The following VSTM4 variants were observed in gnomAD, a reference collection of about 807,000 sequenced individuals.
The protein encoded by VSTM4 is V-set and transmembrane domain containing 4.
In VSTM4, 20 loss-of-function variants were observed where a neutral mutation model predicts 36.4. That is an observed-to-expected ratio of 0.55 (90% CI 0.39 to 0.80). The LOEUF is 0.80. Ranked by LOEUF, VSTM4 falls within the 30% of genes least tolerant of loss-of-function variation. The pLI is 0.00. For synonymous variants in VSTM4, 182 were observed against 173.9 expected, an observed-to-expected ratio of 1.05 and a Z score of -0.37; for missense variants, 392 against 404.5, an observed-to-expected ratio of 0.97 and a Z score of 0.26.
At chr10:49,098,193 C>T (rs1564593917) in intron 2 of VSTM4, among the ~76,000 whole-genome samples, 1 of 152,346 alleles carries the variant, frequency 6.6e-6, no homozygotes. Context: ...TATGCCCCCA[C>T]AGTGCTGGGC....
intron 7 of VSTM4, among the ~76,000 whole-genome samples, chr10:49,037,249 T>A (rs1843445085): frequency 6.6e-6 from 1 of 152,242 alleles, no homozygotes; most frequent in African/African-American, 2.4e-5. Flanking sequence ...CCTGATAGCG[T>A]CGACCCCACC....
chr10:49,064,001 G>A (rs966354991), intron 5 of VSTM4: 6 of 152,230 alleles, frequency 3.9e-5, no homozygotes, highest in African/African-American at 1.4e-4. Flanking sequence ...GTTTTCTGTT[G>A]CTAGATTGGA....
chr10:49,061,861 C>T (rs181653202), intron 5 of VSTM4, among the ~76,000 whole-genome samples: 1 of 152,274 alleles, frequency 6.6e-6, no homozygotes, highest in African/African-American at 2.4e-5. Flanking sequence ...GTATTTAGAT[C>T]ATTTACATTT....
intron 5 of VSTM4, 144 bp downstream of exon 5, chr10:49,064,559 C>A: frequency 1.1e-6 from 1 of 906,262 alleles, no homozygotes; most frequent in Non-Finnish European, 1.7e-6. Context: ...CAAATGCATG[C>A]AGGATACACA....
In VSTM4 at chr10:49,015,107, G is replaced by A. The variant is rs546675117; in HGVS notation, c.*4543C>T. On this transcript the variant is annotated 3_prime_UTR_variant, in exon 8 of 8. Coordinates refer to ENST00000332853, the MANE Select transcript of VSTM4 (RefSeq NM_001031746.5). ...CCAGGTCCTATCCCAGACCTCCTGA[G>A]CCAGGATCTACATTTTTTTTTTTTT... is the stretch of plus-strand genomic sequence containing the variant. 1 of 146,828 alleles carries A rather than the reference G, an allele frequency of 6.8e-6. No homozygotes were observed. Among genetic ancestry groups the A allele is most frequent in the Admixed American group, 7.1e-5 (1 of 14,030 alleles). The allele number at this position is 146,828 out of a possible 1,614,324, so 9.1% of individuals were successfully genotyped here.
In VSTM4 at chr10:49,060,613, G is replaced by T. The variant is rs184096081; in HGVS notation, c.668+4090C>A. On this transcript the variant is annotated intron_variant, in intron 5 of 7. Transcript: ENST00000332853. ...TATTTTAGGAACAAGTTCTTTATCG[G>T]TTATCTGATTTGCAAATATGGGGCT... 1.4e-4 allele frequency among the ~76,000 whole-genome samples: 21 copies of T among 152,222 alleles called. No homozygotes were observed. The East Asian group carries it at 1.5e-3, about 11-fold the overall frequency.
In VSTM4 at chr10:49,019,641, G is replaced by T; in HGVS notation, c.*9C>A. On this transcript the variant is annotated 3_prime_UTR_variant, in exon 8 of 8. Transcript: ENST00000332853. ...GGTATTAAATAGAACCTTGGAGGTG[G>T]ACGCTGTACTACAGCTTGTTCTCCT... 1 of 1,598,268 alleles carries T rather than the reference G, an allele frequency of 6.3e-7. No homozygotes were observed. The highest frequency in any genetic ancestry group is 8.5e-7 in the Non-Finnish European group (1 of 1,171,976).
chr10:49,075,069 G>A (rs1349886175), intron 4 of VSTM4, among the ~76,000 whole-genome samples: 2 of 152,246 alleles, frequency 1.3e-5, no homozygotes, highest in Non-Finnish European at 2.9e-5. Flanking sequence ...TGTGGTTTGG[G>A]GAGGGTTTTC....
At chr10:49,083,067 C>A (rs2131998028) in intron 3 of VSTM4, among the ~76,000 whole-genome samples, 1 of 152,342 alleles carries the variant, frequency 6.6e-6, no homozygotes, top group East Asian at 1.9e-4. Context: ...GACCCCAGTG[C>A]CCCTCAGCAG....
At chr10:49,025,642 G>A (rs1217472430) in intron 7 of VSTM4, among the ~76,000 whole-genome samples, 1 of 152,324 alleles carries the variant, frequency 6.6e-6, no homozygotes, top group African/African-American at 2.4e-5. Flanking sequence ...CATGCTGACT[G>A]GTATGAAGGG....
intron 4 of VSTM4, among the ~76,000 whole-genome samples, chr10:49,076,808 C>T (rs946436311): frequency 2.6e-5 from 4 of 152,164 alleles, no homozygotes; most frequent in Admixed American, 6.5e-5. Context: ...TGCCAGTGAA[C>T]GCTCATAAGA....
chr10:49,024,875 G>C (rs1481305272), intron 7 of VSTM4, among the ~76,000 whole-genome samples: 1 of 152,256 alleles, frequency 6.6e-6, no homozygotes, highest in South Asian at 2.1e-4. Context: ...ACTGAATCTT[G>C]TTCCCCAAAT....
intron 7 of VSTM4, among the ~76,000 whole-genome samples, chr10:49,036,118 C>T (rs55929706): frequency 0.011 from 1,635 of 152,290 alleles, 39 homozygotes; most frequent in African/African-American, 0.038. Context: ...ATCTTGATCA[C>T]ATCCAGCTTA....
At chr10:49,077,993 GAA>G (rs145019057) in intron 3 of VSTM4, among the ~76,000 whole-genome samples, 339 of 142,124 alleles carry the variant, frequency 2.4e-3, no homozygotes, top group Non-Finnish European at 3.4e-3. Flanking sequence ...TTGGAGAAAT[GAA>G]AAAAAAAAAA....
intron 7 of VSTM4, among the ~76,000 whole-genome samples, chr10:49,020,318 C>T (rs1564562843): frequency 6.6e-6 from 1 of 152,054 alleles, no homozygotes; most frequent in Non-Finnish European, 1.5e-5. Context: ...GCCTGAAATA[C>T]TTATGCTAAA....
At chr10:49,053,768 A>C (rs1843733945) in intron 5 of VSTM4, among the ~76,000 whole-genome samples, 1 of 152,172 alleles carries the variant, frequency 6.6e-6, no homozygotes, top group Non-Finnish European at 1.5e-5. Context: ...CTTCCTGCCC[A>C]GGATATTACA....
chr10:49,046,901 G>C (rs1843619005), intron 7 of VSTM4, 82 bp downstream of exon 7: 22 of 1,347,864 alleles, frequency 1.6e-5, no homozygotes, highest in Non-Finnish European at 4.2e-6. Flanking sequence ...TGTATGTTTT[G>C]AGTTAATAAA....
chr10:49,064,837 G>A, intron 4 of VSTM4, 101 bp from the exon 5 acceptor site: 6 of 1,295,568 alleles, frequency 4.6e-6, no homozygotes, highest in Non-Finnish European at 6.6e-6. Context: ...TGTTGTTCAG[G>A]TATTGGTGCT....
At chr10:49,061,671 T>C (rs1843880347) in intron 5 of VSTM4, among the ~76,000 whole-genome samples, 1 of 152,204 alleles carries the variant, frequency 6.6e-6, no homozygotes, top group Non-Finnish European at 1.5e-5. Flanking sequence ...CTGAAGTACA[T>C]CTTATCAGCT....
Sources: gnomAD v4.1 joint callset for allele counts (sites outside exome capture counted in the v4.1 genomes callset) on GRCh38, gnomAD v4.1.1 for gene constraint, MANE v1.5 for transcripts, NCBI Gene and HGNC (gene_info 2026-07-23, HGNC 2026-07-21) for gene names.